Variants in IDS observed in about 807,000 individuals in gnomAD.
IDS encodes the protein iduronate 2-sulfatase, also known as alpha-L-iduronate sulfate sulfatase.
A neutral mutation model predicts 33.5 loss-of-function variants in IDS; 1 was observed. The observed-to-expected ratio is 0.03, with a 90% CI of 0.01 to 0.14. IDS has a LOEUF of 0.14. Ranked by LOEUF, IDS falls within the 10% of genes least tolerant of loss-of-function variation. IDS has a pLI of 1.00. For synonymous variants in IDS, 191 were observed against 184.4 expected (o/e 1.04, Z -0.29); for missense variants, 328 against 448.0 (o/e 0.73, Z 2.42).
chrX:149,496,357 C>T lies in IDS; in HGVS notation c.868G>A (p.Val290Met), dbSNP rs782479238. Residue 290 changes from valine to methionine, a missense_variant, in exon 6 of 9, where the codon GTG becomes ATG. Coordinates refer to ENST00000340855, the MANE Select transcript of IDS (RefSeq NM_000202.8). ...NISVPYGPIP[V>M]DFQRKIRQSY... The stretch of plus-strand genomic sequence containing the variant: ...TATGTCCTTGATACCTGAAAGTCCA[C>T]AGGAATTGGACCATACGGCACACTG... 64 of 1,208,980 alleles carry T rather than the reference C, an allele frequency of 5.3e-5. 1 individual carries two copies. Among genetic ancestry groups the T allele is most frequent in the Non-Finnish European group, 2.2e-6 (2 of 894,219 alleles).
At chrX:149,493,924 A>T (rs1485441364) in intron 6 of IDS, among the ~76,000 whole-genome samples, 1 of 111,260 alleles carries the variant, frequency 9.0e-6, no homozygotes, top group Non-Finnish European at 1.9e-5. Context: ...TTTCTACAAG[A>T]GGAAAGGTGC....
intron 3 of IDS, among the ~76,000 whole-genome samples, chrX:149,501,837 G>T (rs2089482657): frequency 9.0e-6 from 1 of 111,718 alleles, no homozygotes; most frequent in South Asian, 3.7e-4. Context: ...GAGAGAAAGA[G>T]GGCAGCGGGT....
At chrX:149,494,196 A>ACAGGGG (rs2089416991) in intron 6 of IDS, among the ~76,000 whole-genome samples, 1 of 111,678 alleles carries the variant, frequency 9.0e-6, no homozygotes, top group Non-Finnish European at 1.9e-5. Context: ...CGATAAAGGT[A>ACAGGGG]CTGCAGGAGG....
chrX:149,497,518 T>C (rs1437654400), intron 5 of IDS, among the ~76,000 whole-genome samples: 1 of 112,310 alleles, frequency 8.9e-6, no homozygotes, highest in Non-Finnish European at 1.9e-5. Context: ...TCATTACATG[T>C]GAGGGGCATT....
At chrX:149,490,666 C>A (rs1264747355) in intron 6 of IDS, among the ~76,000 whole-genome samples, 1 of 112,397 alleles carries the variant, frequency 8.9e-6, no homozygotes, top group African/African-American at 3.2e-5. Flanking sequence ...CATTTCTAAG[C>A]AAATCAGATT....
rs1557340214 is a variant in IDS at position 149,503,292 on chromosome X, C to A, written c.418+20G>T. 1 of 1,209,182 alleles carries A rather than the reference C, an allele frequency of 8.3e-7. No individual in the cohort carries two copies. Among genetic ancestry groups the A allele is most frequent in the Admixed American group, 2.2e-5 (1 of 45,817 alleles). On this transcript the variant is annotated intron_variant, in intron 3 of 8. Transcript: ENST00000340855. Reference sequence around the variant, plus strand: ...ACACCACAAACCAAGAGAACCCAGACTCTGGACATGGAGCAGTACCAGGGT... The same window carrying A: ...ACACCACAAACCAAGAGAACCCAGAATCTGGACATGGAGCAGTACCAGGGT...
At chrX:149,498,345 T>C (rs781901903) in intron 4 of IDS, 38 bp from the exon 5 acceptor site, 62 of 1,092,367 alleles carry the variant, frequency 5.7e-5, no homozygotes, top group Non-Finnish European at 6.3e-6. Context: ...GCTTTTTAAG[T>C]GCAAGAAATG....
At chrX:149,504,978 GAGGAAGGA>G (rs1233252471) in intron 1 of IDS, 49 bp downstream of exon 1, 16 of 859,232 alleles carry the variant, frequency 1.9e-5, no homozygotes, top group Admixed American at 4.6e-5. Context: ...AAGAAGGAAG[GAGGAAGGA>G]AGGGAGGGAG....
chrX:149,497,477 A>T (rs2089444820), intron 5 of IDS, among the ~76,000 whole-genome samples: 1 of 112,472 alleles, frequency 8.9e-6, no homozygotes, highest in Non-Finnish European at 1.9e-5. Flanking sequence ...GATACCTGCA[A>T]CATCAAAGAG....
chrX:149,483,775 C>G (rs1557337726), intron 8 of IDS, among the ~76,000 whole-genome samples: 1 of 112,279 alleles, frequency 8.9e-6, no homozygotes. Context: ...ATTTACACAA[C>G]TGAAACTCTG....
At position 149,504,921 on chromosome X, in the gene IDS, G is replaced by A. The variant is rs2089512257; in HGVS notation, c.103+114C>T. The A allele has an allele frequency of 3.1e-5, 17 of 545,175 alleles. No individual in the cohort carries two copies. In the South Asian group the frequency reaches 5.1e-4, roughly 16 times the overall value. 44.9% of individuals were successfully genotyped at this position (545,175 alleles called of 1,213,427 possible). A position where few individuals can be genotyped will look rare whatever the true frequency, so the allele number is the denominator to read the frequency against. Reference sequence around the variant, plus strand: ...ATGATGGATGAAAGAAGGAATGGTAGGAGAGAGGAAGGGTAAAAAGAATGG... The same window carrying A: ...ATGATGGATGAAAGAAGGAATGGTAAGAGAGAGGAAGGGTAAAAAGAATGG... On this transcript the variant is annotated intron_variant, in intron 1 of 8. Coordinates refer to ENST00000340855, the MANE Select transcript of IDS (RefSeq NM_000202.8).
chrX:149,497,106 T>A (rs1223304979), intron 5 of IDS, among the ~76,000 whole-genome samples: 1 of 111,665 alleles, frequency 9.0e-6, no homozygotes, highest in African/African-American at 3.3e-5. Context: ...AGCCTCATTA[T>A]CCAGTTTTTA....
At chrX:149,489,747 G>T (rs891038789) in intron 7 of IDS, among the ~76,000 whole-genome samples, 5 of 111,477 alleles carry the variant, frequency 4.5e-5, no homozygotes, top group Non-Finnish European at 9.4e-5. Context: ...AGTGGGAAAC[G>T]GGGGGAGCTG....
chrX:149,488,462 G>A (rs868911577), intron 7 of IDS, among the ~76,000 whole-genome samples: 2 of 110,638 alleles, frequency 1.8e-5, no homozygotes, highest in South Asian at 3.8e-4. Flanking sequence ...CTGGCAGTGC[G>A]ACCTCAGGAA....
intron 3 of IDS, chrX:149,502,169 C>T (rs955735953): frequency 3.0e-6 from 1 of 330,588 alleles, no homozygotes; most frequent in Non-Finnish European, 5.9e-6. Flanking sequence ...AAATGTGTTC[C>T]CACAAGGGCT....
rs781964768 is a variant in IDS at position 149,496,567 on chromosome X, C to T, written c.709-51G>A. ...AGTTGTCACTCTTTTAGCAAAAGCA[C>T]AAGCTTGTGGCTCTATCACTGTCTA... On this transcript the variant is annotated intron_variant, in intron 5 of 8. Coordinates refer to ENST00000340855, the MANE Select transcript of IDS (RefSeq NM_000202.8). 14 of 1,154,318 alleles carry T rather than the reference C, an allele frequency of 1.2e-5. No homozygotes were observed. In the Admixed American group the frequency reaches 2.8e-4, roughly 23 times the overall value.
In IDS at chrX:149,482,686, C is replaced by T; in HGVS notation, c.*60G>A. ...GTAATCACAAAACGACCAGCTCTAA[C>T]TCCTCCTCTCACCAGCTGGAAGGGA... is the stretch of plus-strand genomic sequence containing the variant. On this transcript the variant is annotated 3_prime_UTR_variant, in exon 9 of 9. Coordinates refer to ENST00000340855, the MANE Select transcript of IDS (RefSeq NM_000202.8). The T allele has an allele frequency of 1.7e-6, 2 of 1,207,019 alleles. No individual in the cohort carries two copies. The highest frequency in any genetic ancestry group is 2.2e-6 in the Non-Finnish European group (2 of 893,817).
intron 4 of IDS, chrX:149,499,354 T>A (rs1335361157): frequency 1.1e-5 from 1 of 92,640 alleles, no homozygotes; most frequent in East Asian, 3.3e-4. Flanking sequence ...TGAAACTCCA[T>A]CTCAAAAAAA....
At chrX:149,499,045 T>C (rs2089458539) in intron 4 of IDS, among the ~76,000 whole-genome samples, 1 of 111,980 alleles carries the variant, frequency 8.9e-6, no homozygotes, top group Non-Finnish European at 1.9e-5. Context: ...TGTGGTACAA[T>C]AGACAATTAT....
Sources: allele counts gnomAD v4.1 joint callset (sites outside exome capture counted in the v4.1 genomes callset), GRCh38; gene constraint gnomAD v4.1.1; transcripts MANE v1.5; gene names NCBI Gene and HGNC (gene_info 2026-07-23, HGNC 2026-07-21).